CTNNA3: variants seen among roughly 807,000 people sequenced by gnomAD.
CTNNA3 encodes catenin alpha-3.
CTNNA3 carries 76 observed loss-of-function variants against 95.7 expected under a neutral mutation model. The ratio of observed to expected loss-of-function variants is 0.79; its 90% CI spans 0.66 to 0.96. The LOEUF (loss-of-function observed/expected upper bound fraction) is 0.96. Ranked by LOEUF, CTNNA3 falls within the 40% of genes least tolerant of loss-of-function variation. The probability of loss-of-function intolerance (pLI) is 0.00; values close to 1 mark genes in which losing one functional copy is unlikely to be tolerated. For missense variants in CTNNA3, 1,191 were observed against 1,089.8 expected (o/e 1.09, Z -1.31); for synonymous variants, 431 against 374.4 (o/e 1.15, Z -1.74).
chr10:66,668,031 G>T (rs1017499406), intron 9 of CTNNA3, among the ~76,000 whole-genome samples: 3 of 152,064 alleles, frequency 2.0e-5, no homozygotes, highest in Admixed American at 1.3e-4. Flanking sequence ...TTGATGAAAG[G>T]ATCATGAATC....
chr10:67,504,765 TA>T (rs1384314976), intron 5 of CTNNA3, among the ~76,000 whole-genome samples: 2 of 152,330 alleles, frequency 1.3e-5, no homozygotes, highest in East Asian at 3.9e-4. Context: ...TTAGATATCT[TA>T]AACCCAGAGT....
intron 12 of CTNNA3, among the ~76,000 whole-genome samples, chr10:66,293,810 C>T (rs559150888): frequency 5.9e-5 from 9 of 151,914 alleles, no homozygotes; most frequent in African/African-American, 1.4e-4. Context: ...GGATTACAGG[C>T]GCCTGCCACC....
In CTNNA3 at chr10:67,410,994, G is replaced by A. The variant is rs949367291; in HGVS notation, c.579+110848C>T. ...TGATCAAACTTGTGTGTGGAATCCA[G>A]AAAAGTCAAACTCATAGAAGCAGAG... is the stretch of plus-strand genomic sequence containing the variant. On this transcript the variant is annotated intron_variant, in intron 5 of 17. Coordinates refer to ENST00000433211, the MANE Select transcript of CTNNA3 (RefSeq NM_013266.4). Among the ~76,000 whole-genome samples the A allele has an allele frequency of 2.6e-5, 4 of 152,244 alleles. No individual in the cohort carries two copies. The South Asian group carries it at 8.3e-4, about 32-fold the overall frequency.
intron 7 of CTNNA3, among the ~76,000 whole-genome samples, chr10:66,994,524 C>T (rs1002411760): frequency 6.6e-6 from 1 of 152,140 alleles, no homozygotes; most frequent in African/African-American, 2.4e-5. Flanking sequence ...AGGAAAAAAG[C>T]AGTTGAAGTA....
chr10:66,473,947 G>C (rs12219081), intron 11 of CTNNA3, among the ~76,000 whole-genome samples: 1 of 151,898 alleles, frequency 6.6e-6, no homozygotes, highest in Non-Finnish European at 1.5e-5. Flanking sequence ...CCAAGTCTTT[G>C]CTATTGTGAA....
At chr10:66,958,326 AAAAAAAAAT>A (rs1564794709) in intron 7 of CTNNA3, among the ~76,000 whole-genome samples, 3 of 141,890 alleles carry the variant, frequency 2.1e-5, no homozygotes, top group African/African-American at 5.2e-5. Context: ...AAAAAAAAAA[AAAAAAAAAT>A]GCCTGTGCCT....
rs563182664 is a variant in CTNNA3, at chr10:66,053,023, TCTAA to T, written c.2159+16281_2159+16284del. The stretch of plus-strand genomic sequence containing the variant: ...AGAAGACCAAATAAATCCAAACTAC[TCTAA>T]CTAAGAGTTCTTGAAACAGACAGCG... On this transcript the variant is annotated intron_variant, in intron 15 of 17. Transcript: ENST00000433211. Among the ~76,000 whole-genome samples the T allele has an allele frequency of 1.5e-3, 227 of 152,170 alleles. 2 individuals carry two copies. The highest frequency in any genetic ancestry group is 4.3e-3 in the African/African-American group (179 of 41,548).
At chr10:66,913,295 A>T (rs1279904510) in intron 7 of CTNNA3, among the ~76,000 whole-genome samples, 2 of 151,122 alleles carry the variant, frequency 1.3e-5, no homozygotes, top group Non-Finnish European at 3.0e-5. Context: ...AGTACATAGT[A>T]AGAGACCTTA....
intron 7 of CTNNA3, among the ~76,000 whole-genome samples, chr10:66,981,605 T>C (rs1850447148): frequency 6.6e-6 from 1 of 152,250 alleles, no homozygotes; most frequent in African/African-American, 2.4e-5. Context: ...GCTGTTTTAA[T>C]ATGGCATCTG....
intron 11 of CTNNA3, among the ~76,000 whole-genome samples, chr10:66,502,776 T>C (rs748807148): frequency 6.6e-6 from 1 of 152,130 alleles, no homozygotes; most frequent in Non-Finnish European, 1.5e-5. Context: ...CTTATGAATA[T>C]GTGCACAAGT....
At chr10:67,552,629 C>T (rs954856246) in intron 3 of CTNNA3, among the ~76,000 whole-genome samples, 2 of 151,912 alleles carry the variant, frequency 1.3e-5, no homozygotes, top group African/African-American at 4.8e-5. Context: ...AGTATTAAGC[C>T]CAGCACCCAT....
At chr10:66,540,243 G>GA (rs1035605141) in intron 10 of CTNNA3, among the ~76,000 whole-genome samples, 5 of 152,082 alleles carry the variant, frequency 3.3e-5, no homozygotes, top group African/African-American at 1.2e-4. Flanking sequence ...CTCTGTCTAT[G>GA]AAAAATAGCA....
chr10:66,024,075 T>C (rs2079281465), intron 15 of CTNNA3, among the ~76,000 whole-genome samples: 1 of 148,794 alleles, frequency 6.7e-6, no homozygotes, highest in South Asian at 2.1e-4. Context: ...CAGAAACTTA[T>C]ACCATACACA....
At chr10:67,620,878 C>CAT (rs1195226798) in intron 2 of CTNNA3, among the ~76,000 whole-genome samples, 1 of 139,938 alleles carries the variant, frequency 7.1e-6, no homozygotes, top group Non-Finnish European at 1.6e-5. Flanking sequence ...CACTACTGTA[C>CAT]ATATATATGT....
intron 12 of CTNNA3, among the ~76,000 whole-genome samples, chr10:66,328,911 C>CATATAT (rs1554935009): frequency 0.013 from 1,113 of 86,438 alleles, 46 homozygotes; most frequent in African/African-American, 0.035. Flanking sequence ...CACATATATA[C>CATATAT]ATATATATAT....
chr10:67,538,025 T>C (rs1322086790), intron 4 of CTNNA3, among the ~76,000 whole-genome samples: 1 of 151,694 alleles, frequency 6.6e-6, no homozygotes, highest in African/African-American at 2.4e-5. Flanking sequence ...AGTTCAGTAA[T>C]TTGTCTATGG....
At chr10:65,989,599 C>T (rs571973618) in intron 15 of CTNNA3, among the ~76,000 whole-genome samples, 7 of 143,416 alleles carry the variant, frequency 4.9e-5, no homozygotes, top group Non-Finnish European at 9.6e-5. Context: ...TGGTAAAATT[C>T]ATTTTTTATG....
intron 7 of CTNNA3, among the ~76,000 whole-genome samples, chr10:67,003,104 C>T (rs1007418848): frequency 6.6e-6 from 1 of 152,162 alleles, no homozygotes; most frequent in Non-Finnish European, 1.5e-5. Flanking sequence ...AACATAATTA[C>T]AATGCCCCTT....
intron 3 of CTNNA3, among the ~76,000 whole-genome samples, chr10:67,563,200 G>C (rs1277766944): frequency 6.6e-6 from 1 of 152,100 alleles, no homozygotes; most frequent in Non-Finnish European, 1.5e-5. Flanking sequence ...TAAGCCAAAA[G>C]AACAAAGCTG....
Sources: allele counts gnomAD v4.1 joint callset (sites outside exome capture counted in the v4.1 genomes callset), GRCh38; gene constraint gnomAD v4.1.1; transcripts MANE v1.5; gene names NCBI Gene and HGNC (gene_info 2026-07-23, HGNC 2026-07-21).